RGS20: variants seen among roughly 807,000 people sequenced by gnomAD.
RGS20 encodes gz-selective GTPase-activating protein.
A neutral mutation model predicts 33.6 loss-of-function variants in RGS20; 30 were observed. That is an observed-to-expected ratio of 0.89 (90% CI 0.67 to 1.21). The LOEUF (loss-of-function observed/expected upper bound fraction) is 1.21. Ranked by LOEUF, RGS20 falls within the 50% of genes most tolerant of loss-of-function variation. The pLI, the probability that RGS20 is intolerant of heterozygous loss-of-function variation, is 0.00. For missense variants in RGS20, 472 were observed against 502.4 expected (o/e 0.94, Z 0.58); for synonymous variants, 208 against 197.9 (o/e 1.05, Z -0.43).
chr8:53,900,133 A>G (rs1485771479), intron 2 of RGS20, among the ~76,000 whole-genome samples: 1 of 152,082 alleles, frequency 6.6e-6, no homozygotes, highest in African/African-American at 2.4e-5. Context: ...GTCCCTGCTG[A>G]ATATAGACAC....
chr8:53,863,787 C>T (rs927829129), intron 1 of RGS20, among the ~76,000 whole-genome samples: 2 of 143,120 alleles, frequency 1.4e-5, no homozygotes, highest in Non-Finnish European at 3.0e-5. Flanking sequence ...AGTGCAATGG[C>T]GCCAACTCGG....
intron 3 of RGS20, among the ~76,000 whole-genome samples, chr8:53,943,996 TACACACAC>T (rs113461310): frequency 5.1e-4 from 74 of 146,358 alleles, no homozygotes; most frequent in African/African-American, 1.3e-3. Context: ...AAAATAGAGC[TACACACAC>T]ACACACACAC....
At chr8:53,944,172 G>T (rs1389430216) in intron 3 of RGS20, among the ~76,000 whole-genome samples, 1 of 152,212 alleles carries the variant, frequency 6.6e-6, no homozygotes, top group Admixed American at 6.5e-5. Context: ...CCATTTTCAT[G>T]TTGATGGGAT....
chr8:53,939,547 C>T, intron 2 of RGS20, 29 bp from the exon 2 acceptor site: 1 of 1,468,900 alleles, frequency 6.8e-7, no homozygotes, highest in South Asian at 1.4e-5. Flanking sequence ...AACCCCCTCC[C>T]GCCCGCTTTG....
At chr8:53,919,584 C>T (rs1056397499) in intron 2 of RGS20, among the ~76,000 whole-genome samples, 2 of 150,410 alleles carry the variant, frequency 1.3e-5, no homozygotes, top group Non-Finnish European at 3.0e-5. Flanking sequence ...TGAAGCATAA[C>T]ATTTTTTCTT....
intron 2 of RGS20, among the ~76,000 whole-genome samples, chr8:53,901,260 G>A (rs959730117): frequency 1.3e-5 from 2 of 151,958 alleles, no homozygotes; most frequent in African/African-American, 4.8e-5. Context: ...TAGAGATGGG[G>A]TTTCACCATG....
intron 1 of RGS20, among the ~76,000 whole-genome samples, chr8:53,872,507 A>T (rs1812100987): frequency 6.6e-6 from 1 of 152,230 alleles, no homozygotes; most frequent in East Asian, 1.9e-4. Flanking sequence ...AGCATCTAGG[A>T]CAGTACCTCA....
At chr8:53,956,224 G>A (rs1321551736) in intron 5 of RGS20, among the ~76,000 whole-genome samples, 1 of 152,182 alleles carries the variant, frequency 6.6e-6, no homozygotes, top group Non-Finnish European at 1.5e-5. Context: ...ATCACTGCAA[G>A]TATACACAGA....
At chr8:53,871,614 C>G (rs1812069481) in intron 1 of RGS20, among the ~76,000 whole-genome samples, 1 of 145,324 alleles carries the variant, frequency 6.9e-6, no homozygotes, top group Non-Finnish European at 1.5e-5. Flanking sequence ...GAGAGTCCAT[C>G]TCAAAAAAAA....
chr8:53,950,709 T>G (rs1411223763), intron 4 of RGS20, among the ~76,000 whole-genome samples: 1 of 151,816 alleles, frequency 6.6e-6, no homozygotes, highest in Non-Finnish European at 1.5e-5. Flanking sequence ...CTGCCTCCTG[T>G]GTTCAAGTGA....
intron 3 of RGS20, among the ~76,000 whole-genome samples, chr8:53,944,421 C>T (rs1420973752): frequency 5.9e-5 from 9 of 151,772 alleles, no homozygotes; most frequent in Non-Finnish European, 1.0e-4. Context: ...GCCTGTAGTC[C>T]CAGCTACTCA....
intron 5 of RGS20, 68 bp downstream of exon 4, chr8:53,954,378 C>T: frequency 9.1e-7 from 1 of 1,099,328 alleles, no homozygotes; most frequent in Non-Finnish European, 1.4e-6. Flanking sequence ...AAGTAATTGC[C>T]ATAGGCCGGG....
chr8:53,886,387 T>G (rs1812549285), intron 2 of RGS20, among the ~76,000 whole-genome samples: 1 of 152,186 alleles, frequency 6.6e-6, no homozygotes, highest in Non-Finnish European at 1.5e-5. Flanking sequence ...TCCAGCTGAT[T>G]AGAGTCTAGC....
Position 53,877,350 on chromosome 8 carries a change from G to A in RGS20, c.166-1908G>A, listed in dbSNP as rs537551608. Among the ~76,000 whole-genome samples, 1,030 of 152,298 alleles carry A rather than the reference G, an allele frequency of 6.8e-3. 14 individuals carry two copies. The highest frequency in any genetic ancestry group is 0.024 in the African/African-American group (988 of 41,574). ...CCGAGGGCCCTCGCTCCGGAGTGGGGCGCAGACGCGGCCGCCGGCCCGCAG... is the reference window on the plus strand; with the variant it reads ...CCGAGGGCCCTCGCTCCGGAGTGGGACGCAGACGCGGCCGCCGGCCCGCAG... On this transcript the variant is annotated intron_variant, in intron 1 of 5. Transcript: ENST00000297313. The surrounding 1 kb of genome is among the most constrained non-coding windows in gnomAD (Gnocchi z 5.7).
chr8:53,898,111 C>T lies in RGS20; in HGVS notation c.510+18509C>T, dbSNP rs115827242. Among the ~76,000 whole-genome samples the T allele has an allele frequency of 7.7e-3, 1,173 of 152,324 alleles. 11 individuals carry two copies. The highest frequency in any genetic ancestry group is 0.026 in the African/African-American group (1,065 of 41,558). On this transcript the variant is annotated intron_variant, in intron 2 of 5. Transcript: ENST00000297313. Reference sequence around the variant, plus strand: ...GGCTGGATCCCACCCGCTCGCCTTGCACCACCAGGAGCTGCTGCTCTGCCT... The same window carrying T: ...GGCTGGATCCCACCCGCTCGCCTTGTACCACCAGGAGCTGCTGCTCTGCCT...
intron 2 of RGS20, among the ~76,000 whole-genome samples, chr8:53,917,180 T>G (rs749599663): frequency 7.9e-5 from 12 of 152,174 alleles, no homozygotes; most frequent in African/African-American, 1.2e-4. Flanking sequence ...GGAATTTCAC[T>G]CTTGTTGCCC....
chr8:53,939,711 T>C lies in RGS20; in HGVS notation c.646T>C (p.Cys216Arg). The C allele has an allele frequency of 1.9e-6, 3 of 1,558,616 alleles. No homozygotes were observed. Among genetic ancestry groups the C allele is most frequent in the Non-Finnish European group, 2.6e-6 (3 of 1,150,640 alleles). The change falls in exon 3 of 6, where the codon TGT becomes CGT. Residue 216 changes from cysteine (C) to arginine (R), a missense_variant. Coordinates refer to ENST00000297313, the MANE Select transcript of RGS20 (RefSeq NM_170587.4). ...ATGCTGCTTCTGCTGGTGCTGCTGT[T>C]GTAGCTGCTCGTGGTAAGGTTTGGG...
intron 1 of RGS20, among the ~76,000 whole-genome samples, chr8:53,870,840 C>T (rs947858360): frequency 2.0e-5 from 3 of 151,992 alleles, no homozygotes; most frequent in East Asian, 1.9e-4. Flanking sequence ...AGGCCAGGTG[C>T]GGTGACTCAC....
At chr8:53,952,651 G>A (rs1213407123) in intron 4 of RGS20, among the ~76,000 whole-genome samples, 3 of 151,640 alleles carry the variant, frequency 2.0e-5, no homozygotes, top group East Asian at 2.0e-4. Flanking sequence ...ACTTGAACCC[G>A]GAAGGCGGAG....
Sources: gnomAD v4.1 joint callset for allele counts (sites outside exome capture counted in the v4.1 genomes callset) on GRCh38, gnomAD v4.1.1 for gene constraint, Gnocchi (gnomAD v3.1) non-coding constraint, MANE v1.5 for transcripts, NCBI Gene and HGNC (gene_info 2026-07-23, HGNC 2026-07-21) for gene names.